GBE1: variants seen among roughly 807,000 people sequenced by gnomAD.
GBE1 encodes 1,4-alpha-glucan-branching enzyme.
A neutral mutation model predicts 88.8 loss-of-function variants in GBE1; 70 were observed. The ratio of observed to expected loss-of-function variants is 0.79; its 90% CI spans 0.65 to 0.96. The LOEUF (loss-of-function observed/expected upper bound fraction) is 0.96, where lower values mean the gene tolerates loss of function less well. Among genes scored for constraint, GBE1 ranks in the 40% least tolerant of loss-of-function variants. GBE1 has a pLI of 0.00. For missense variants in GBE1, 872 were observed against 871.0 expected (o/e 1.00, Z -0.01); for synonymous variants, 284 against 300.1 (o/e 0.95, Z 0.56).
At chr3:81,752,826 T>C (rs1706548009) in intron 1 of GBE1, among the ~76,000 whole-genome samples, 1 of 152,146 alleles carries the variant, frequency 6.6e-6, no homozygotes, top group Admixed American at 6.5e-5. Flanking sequence ...TTTCTGGTCA[T>C]GGTATTTATC....
chr3:81,714,932 G>A (rs1288086512), intron 1 of GBE1, among the ~76,000 whole-genome samples: 1 of 152,124 alleles, frequency 6.6e-6, no homozygotes, highest in Admixed American at 6.6e-5. Context: ...CACTAATCAC[G>A]TCAGGAGAGG....
intron 14 of GBE1, among the ~76,000 whole-genome samples, chr3:81,524,596 G>A (rs1702919832): frequency 6.6e-6 from 1 of 151,842 alleles, no homozygotes; most frequent in South Asian, 2.1e-4. Flanking sequence ...TATAATGAGA[G>A]ATAGGGATCT....
intron 7 of GBE1, among the ~76,000 whole-genome samples, chr3:81,603,320 T>C (rs1704057580): frequency 1.3e-5 from 2 of 152,076 alleles, no homozygotes; most frequent in African/African-American, 2.4e-5. Flanking sequence ...TTAATGAAAA[T>C]TAAGCATTTG....
chr3:81,541,458 C>A (rs891438428), intron 12 of GBE1, among the ~76,000 whole-genome samples: 7 of 149,686 alleles, frequency 4.7e-5, no homozygotes, highest in African/African-American at 7.4e-5. Context: ...TTGCCCCCCC[C>A]GCCACCTCGC....
chr3:81,520,676 ATCTT>A (rs1206696429), intron 14 of GBE1, among the ~76,000 whole-genome samples: 7 of 151,624 alleles, frequency 4.6e-5, no homozygotes, highest in Non-Finnish European at 8.9e-5. Context: ...AATGTATTTT[ATCTT>A]TCTAAGCATG....
chr3:81,612,956 C>T lies in GBE1; in HGVS notation c.993-18933G>A, dbSNP rs1020243356. The T allele has an allele frequency of 1.9e-4, 74 of 383,690 alleles. 2 individuals carry two copies. Among genetic ancestry groups the T allele is most frequent in the Admixed American group, 1.8e-3 (54 of 29,762 alleles). 23.8% of individuals were successfully genotyped at this position (383,690 alleles called of 1,614,324 possible). On this transcript the variant is annotated intron_variant, in intron 7 of 15. Coordinates refer to ENST00000429644, the MANE Select transcript of GBE1 (RefSeq NM_000158.4). Reference sequence around the variant, plus strand: ...GAGAAAAAGATGATGATGATGATGACGATGATGACGCAAAGGAGGAAGGAT... The same window carrying T: ...GAGAAAAAGATGATGATGATGATGATGATGATGACGCAAAGGAGGAAGGAT...
intron 7 of GBE1, among the ~76,000 whole-genome samples, chr3:81,631,676 G>A: frequency 6.6e-6 from 1 of 151,254 alleles, no homozygotes; most frequent in East Asian, 1.9e-4. Flanking sequence ...GAACCTGGGA[G>A]GCAGAAATTG....
intron 2 of GBE1, among the ~76,000 whole-genome samples, chr3:81,691,973 TG>T (rs544334036): frequency 9.4e-4 from 143 of 152,170 alleles, no homozygotes; most frequent in Non-Finnish European, 1.7e-3. Context: ...GATCATAGAT[TG>T]GGGCTGTGGC....
chr3:81,593,916 T>C lies in GBE1; in HGVS notation c.1100A>G (p.His367Arg). ...DGVTSMLYHH[H>R]GVGQGFSGDY... ...TATATCAGGTTACCTACCCACTCCATGGTGATGATAAAGCATGGACGTAAC... is the reference window on the plus strand; with the variant it reads ...TATATCAGGTTACCTACCCACTCCACGGTGATGATAAAGCATGGACGTAAC... The change falls in exon 8 of 16, where the codon CAT becomes CGT. Residue 367 changes from histidine to arginine, a missense_variant. Coordinates refer to ENST00000429644, the MANE Select transcript of GBE1 (RefSeq NM_000158.4). 1.9e-6 allele frequency: 3 copies of C among 1,538,638 alleles called. No homozygotes were observed. The highest frequency in any genetic ancestry group is 1.2e-5 in the South Asian group (1 of 83,510).
chr3:81,708,107 T>C (rs972507612), intron 1 of GBE1, among the ~76,000 whole-genome samples: 13 of 152,016 alleles, frequency 8.6e-5, no homozygotes, highest in Admixed American at 6.6e-5. Flanking sequence ...GGAATTTTAC[T>C]GAGTATGTAA....
At chr3:81,515,926 CAGA>C (rs1339684730) in intron 14 of GBE1, among the ~76,000 whole-genome samples, 2 of 151,522 alleles carry the variant, frequency 1.3e-5, no homozygotes, top group Admixed American at 6.6e-5. Flanking sequence ...GAGGAAGCTG[CAGA>C]AGAAAAGTTT....
intron 7 of GBE1, among the ~76,000 whole-genome samples, chr3:81,609,495 G>T (rs1208549057): frequency 2.0e-5 from 3 of 151,904 alleles, no homozygotes; most frequent in Non-Finnish European, 4.4e-5. Context: ...AATGATTACA[G>T]GTAATATATT....
chr3:81,744,588 C>T (rs1293926332), intron 1 of GBE1, among the ~76,000 whole-genome samples: 1 of 152,120 alleles, frequency 6.6e-6, no homozygotes, highest in Non-Finnish European at 1.5e-5. Flanking sequence ...GCCTCATTCC[C>T]ATTAAAAACA....
intron 12 of GBE1, among the ~76,000 whole-genome samples, chr3:81,558,280 T>A (rs981942116): frequency 2.6e-5 from 4 of 151,994 alleles, no homozygotes; most frequent in Admixed American, 1.3e-4. Flanking sequence ...AAAAGAACCA[T>A]GTTCAGTCCA....
rs776943352 is a variant in GBE1, at chr3:81,649,871, C to T, written c.480G>A (p.Trp160Ter). The T allele has an allele frequency of 1.2e-6, 2 of 1,610,838 alleles. No homozygotes were observed. The highest frequency in any genetic ancestry group is 1.7e-6 in the Non-Finnish European group (2 of 1,177,578). The part of the protein sequence containing the change: ...SGEILYRISP[W>*]AKYVVREGDN... The stretch of plus-strand genomic sequence containing the variant: ...CACCTTCACGAACCACATACTTTGC[C>T]CACGGTGAAATACGATACAAGATCT... Residue 160 changes from tryptophan (W) to a stop codon, truncating the protein, a stop_gained, in exon 4 of 16, where the codon TGG (tryptophan) becomes TGA (stop). Transcript: ENST00000429644. LOFTEE classifies it high-confidence loss of function.
At chr3:81,638,086 A>T (rs1273392867) in intron 7 of GBE1, among the ~76,000 whole-genome samples, 1 of 152,124 alleles carries the variant, frequency 6.6e-6, no homozygotes, top group Admixed American at 6.6e-5. Flanking sequence ...CACCATGGTT[A>T]AGAAGTCCCA....
chr3:81,720,474 C>CAGT (rs1234705164), intron 1 of GBE1, among the ~76,000 whole-genome samples: 1 of 151,912 alleles, frequency 6.6e-6, no homozygotes, highest in East Asian at 1.9e-4. Flanking sequence ...TTGGCAAGTA[C>CAGT]AGTGGTCCTC....
At chr3:81,718,167 G>A (rs547645173) in intron 1 of GBE1, among the ~76,000 whole-genome samples, 1 of 151,934 alleles carries the variant, frequency 6.6e-6, no homozygotes, top group Non-Finnish European at 1.5e-5. Context: ...TTTAGTATAG[G>A]TGGGGTTTGA....
At chr3:81,732,806 G>A (rs950112124) in intron 1 of GBE1, among the ~76,000 whole-genome samples, 2 of 151,996 alleles carry the variant, frequency 1.3e-5, no homozygotes, top group Non-Finnish European at 2.9e-5. Flanking sequence ...TTCTCAAAAC[G>A]CTTCAGTGGC....
Sources: allele counts gnomAD v4.1 joint callset (sites outside exome capture counted in the v4.1 genomes callset), GRCh38; gene constraint gnomAD v4.1.1; transcripts MANE v1.5; gene names NCBI Gene and HGNC (gene_info 2026-07-23, HGNC 2026-07-21).